LIMS1: variants seen among roughly 807,000 people sequenced by gnomAD.
LIMS1 encodes LIM and senescent cell antigen-like-containing domain protein 1.
A neutral mutation model predicts 44.1 loss-of-function variants in LIMS1; 18 were observed. The ratio of observed to expected loss-of-function variants is 0.41; its 90% CI spans 0.28 to 0.61. The LOEUF is 0.61. LIMS1 is among the 20% of genes least tolerant of loss of function. The pLI is 0.32. For missense variants in LIMS1, 201 were observed against 422.0 expected (o/e 0.48, Z 4.59); for synonymous variants, 93 against 149.1 (o/e 0.62, Z 2.74).
intron 5 of LIMS1, among the ~76,000 whole-genome samples, chr2:108,674,771 TTCAGCCATC>T (rs1692410815): frequency 1.3e-5 from 2 of 148,820 alleles, no homozygotes; most frequent in South Asian, 4.3e-4. Context: ...GTTGTATAAG[TTCAGCCATC>T]TCATCTTTTG....
rs576303892 is a variant in LIMS1, at chr2:108,535,492, G to A, written c.32+898G>A. On this transcript the variant is annotated intron_variant, in intron 1 of 9. Transcript: ENST00000544547. ...GCACACAGTTACGTTAAAATTCCTT[G>A]GTCTGTCTTGCAGTTTGAATGCAGC... is the stretch of plus-strand genomic sequence containing the variant. 3.2e-4 allele frequency among the ~76,000 whole-genome samples: 48 copies of A among 152,228 alleles called. 2 individuals carry two copies. The South Asian group carries it at 9.5e-3, about 30-fold the overall frequency.
chr2:108,537,570 C>T (rs1573286037), intron 1 of LIMS1, among the ~76,000 whole-genome samples: 1 of 152,326 alleles, frequency 6.6e-6, no homozygotes, highest in Middle Eastern at 3.4e-3. Flanking sequence ...CTTTTCAGTG[C>T]TCTGTGCCTG....
chr2:108,612,063 TATATATAC>T (rs1478598866), intron 1 of LIMS1, among the ~76,000 whole-genome samples: 1 of 147,138 alleles, frequency 6.8e-6, no homozygotes, highest in Non-Finnish European at 1.5e-5. Flanking sequence ...CATATATATA[TATATATAC>T]ATATATATAT....
chr2:108,571,092 G>C (rs949473461), intron 1 of LIMS1, among the ~76,000 whole-genome samples: 1 of 152,060 alleles, frequency 6.6e-6, no homozygotes, highest in Non-Finnish European at 1.5e-5. Flanking sequence ...TACGTATACT[G>C]TTTATTGGGA....
chr2:108,599,097 C>T (rs1306961393), intron 1 of LIMS1, among the ~76,000 whole-genome samples: 1 of 151,518 alleles, frequency 6.6e-6, no homozygotes, highest in Non-Finnish European at 1.5e-5. Flanking sequence ...CTGTAGTCAC[C>T]CTGTTGTGCT....
exon 10 of LIMS1, chr2:108,684,484 C>A (rs1693205692): frequency 6.6e-6 from 1 of 151,988 alleles, no homozygotes; most frequent in African/African-American, 2.4e-5. Flanking sequence ...GTATATTTAT[C>A]AAACTAGTAG....
chr2:108,669,072 C>A (rs1691984614), intron 2 of LIMS1, among the ~76,000 whole-genome samples: 1 of 151,992 alleles, frequency 6.6e-6, no homozygotes, highest in African/African-American at 2.4e-5. Context: ...AGTCTAAAAA[C>A]AAAAAGATAC....
At position 108,647,694 on chromosome 2, in the gene LIMS1, A is replaced by G. The variant is rs562418794; in HGVS notation, c.33-11911A>G. ...TCAATAAACGTAATCCATCACATAA[A>G]CAGAACCAATGACAAAAACCACATG... On this transcript the variant is annotated intron_variant, in intron 1 of 9. Transcript: ENST00000544547. Among the ~76,000 whole-genome samples, 13 of 152,322 alleles carry G rather than the reference A, an allele frequency of 8.5e-5. No homozygotes were observed. In the East Asian group the frequency reaches 2.5e-3, roughly 29 times the overall value.
At chr2:108,680,315 C>T (rs62151384) in intron 8 of LIMS1, among the ~76,000 whole-genome samples, 22 of 144,558 alleles carry the variant, frequency 1.5e-4, no homozygotes, top group Middle Eastern at 3.9e-3. Context: ...TGCAGTGAGC[C>T]GTGATTGCGC....
At chr2:108,643,977 C>G (rs1263515100) in intron 1 of LIMS1, among the ~76,000 whole-genome samples, 2 of 152,200 alleles carry the variant, frequency 1.3e-5, no homozygotes, top group Non-Finnish European at 2.9e-5. Context: ...ATTCCCTCCT[C>G]TCTGGGTAGG....
At chr2:108,569,011 C>A (rs1036239250) in intron 1 of LIMS1, among the ~76,000 whole-genome samples, 7 of 152,098 alleles carry the variant, frequency 4.6e-5, no homozygotes, top group Admixed American at 4.6e-4. Context: ...CCTGCCTCAG[C>A]CTCCCGGGAA....
chr2:108,598,648 A>G (rs1686844483), intron 1 of LIMS1, among the ~76,000 whole-genome samples: 1 of 152,230 alleles, frequency 6.6e-6, no homozygotes, highest in African/African-American at 2.4e-5. Context: ...GATGTGTGCC[A>G]GTCTGACACT....
chr2:108,637,117 G>A (rs1439733378), intron 1 of LIMS1, among the ~76,000 whole-genome samples: 1 of 150,654 alleles, frequency 6.6e-6, no homozygotes, highest in African/African-American at 2.4e-5. Context: ...GTGTGTGTGT[G>A]TGTGTGTGTG....
exon 7 of LIMS1, chr2:108,676,614 T>G (rs1253436668): frequency 6.4e-7 from 1 of 1,564,086 alleles, no homozygotes; most frequent in African/African-American, 1.4e-5. Context: ...AGCATTTTGT[T>G]TGTGCCAAGT....
chr2:108,587,657 A>T (rs185616186), intron 1 of LIMS1, among the ~76,000 whole-genome samples: 2 of 152,158 alleles, frequency 1.3e-5, no homozygotes, highest in African/African-American at 4.8e-5. Flanking sequence ...ACCCTCATTC[A>T]TGGAAGGGGA....
intron 1 of LIMS1, among the ~76,000 whole-genome samples, chr2:108,590,296 AT>A (rs1686315368): frequency 2.0e-5 from 3 of 152,266 alleles, no homozygotes; most frequent in Admixed American, 2.0e-4. Context: ...GAAATAAGGA[AT>A]AGTTATAATG....
chr2:108,660,479 G>A (rs1448187508), intron 2 of LIMS1: 2 of 368,936 alleles, frequency 5.4e-6, no homozygotes, highest in African/African-American at 4.3e-5. Context: ...TATAGCCCAG[G>A]CTAGAGTGTA....
rs546613688 is a variant in LIMS1 at position 108,556,397 on chromosome 2, T to G, written c.32+21803T>G. Among the ~76,000 whole-genome samples, 3 of 152,346 alleles carry G rather than the reference T, an allele frequency of 2.0e-5. No homozygotes were observed. The East Asian group carries it at 5.8e-4, about 29-fold the overall frequency. ...TGGCTATTGTGAGTAATGTCACTTA[T>G]GAACACTTGAGTACTGTGAGCACTG... On this transcript the variant is annotated intron_variant, in intron 1 of 9. Transcript: ENST00000544547.
At chr2:108,686,606 C>G (rs1693321222) in exon 10 of LIMS1, 1 of 151,334 alleles carries the variant, frequency 6.6e-6, no homozygotes, top group Admixed American at 6.6e-5. Flanking sequence ...CCCGTCTCTA[C>G]TAAAAATACA....
Sources: gnomAD v4.1 joint callset for allele counts (sites outside exome capture counted in the v4.1 genomes callset) on GRCh38, gnomAD v4.1.1 for gene constraint, MANE v1.5 for transcripts, NCBI Gene and HGNC (gene_info 2026-07-23, HGNC 2026-07-21) for gene names.